The following CCDC85A variants were observed in gnomAD, a reference collection of about 807,000 sequenced individuals.
CCDC85A encodes coiled-coil domain containing 85A.
CCDC85A carries 38 observed loss-of-function variants against 50.2 expected under a neutral mutation model. That is an observed-to-expected ratio of 0.76 (90% CI 0.58 to 0.99). The LOEUF is 0.99. CCDC85A is among the 50% of genes least tolerant of loss of function. CCDC85A has a pLI of 0.00. For synonymous variants in CCDC85A, 366 were observed against 301.4 expected, an observed-to-expected ratio of 1.21 and a Z score of -2.22; for missense variants, 820 against 742.0, an observed-to-expected ratio of 1.11 and a Z score of -1.22.
At chr2:56,282,107 CAT>C (rs1010147387) in intron 2 of CCDC85A, among the ~76,000 whole-genome samples, 5 of 152,086 alleles carry the variant, frequency 3.3e-5, no homozygotes, top group South Asian at 4.2e-4. Flanking sequence ...TAGTTCCTAA[CAT>C]GTGAGGAAAA....
At chr2:56,245,092 T>TG (rs1229818058) in intron 2 of CCDC85A, among the ~76,000 whole-genome samples, 1 of 152,190 alleles carries the variant, frequency 6.6e-6, no homozygotes, top group Non-Finnish European at 1.5e-5. Flanking sequence ...CACTAGGTCA[T>TG]GTGCCCCACA....
In CCDC85A at chr2:56,249,074, G is replaced by A. The variant is rs192150084; in HGVS notation, c.1240+55634G>A. On this transcript the variant is annotated intron_variant, in intron 2 of 5. Coordinates refer to ENST00000407595, the MANE Select transcript of CCDC85A (RefSeq NM_001080433.2). ...GGAGGAAGTCCAGGAATAAATAGCA[G>A]GACCTTCTCTCTTCTTCTGTCTAAT... Among the ~76,000 whole-genome samples the A allele has an allele frequency of 6.6e-5, 10 of 152,344 alleles. No homozygotes were observed. In the East Asian group the frequency reaches 1.9e-3, roughly 29 times the overall value.
At chr2:56,247,174 G>A (rs1382266528) in intron 2 of CCDC85A, among the ~76,000 whole-genome samples, 1 of 152,190 alleles carries the variant, frequency 6.6e-6, no homozygotes, top group African/African-American at 2.4e-5. Context: ...CCCTACGTTA[G>A]TAGTGTAATT....
chr2:56,375,251 TTATATC>T (rs1348451014), intron 4 of CCDC85A, among the ~76,000 whole-genome samples: 1 of 152,246 alleles, frequency 6.6e-6, no homozygotes, highest in Non-Finnish European at 1.5e-5. Flanking sequence ...AATATGTAGT[TTATATC>T]TATTCTGTTT....
intron 3 of CCDC85A, among the ~76,000 whole-genome samples, chr2:56,360,792 C>G (rs1675484496): frequency 6.6e-6 from 1 of 152,176 alleles, no homozygotes; most frequent in African/African-American, 2.4e-5. Context: ...CCTCTGCTAT[C>G]TTTTATCCCC....
chr2:56,197,270 T>G (rs781143301), intron 2 of CCDC85A, among the ~76,000 whole-genome samples: 16 of 152,182 alleles, frequency 1.1e-4, no homozygotes, highest in Admixed American at 2.6e-4. Flanking sequence ...TGCTGCCTTA[T>G]GCATTTAAGG....
At chr2:56,308,334 G>A (rs922013712) in intron 2 of CCDC85A, among the ~76,000 whole-genome samples, 3 of 152,148 alleles carry the variant, frequency 2.0e-5, no homozygotes, top group Admixed American at 1.3e-4. Flanking sequence ...TTGGGGGAAC[G>A]TTCATCAACA....
At chr2:56,360,286 C>T (rs1055889954) in intron 3 of CCDC85A, among the ~76,000 whole-genome samples, 1 of 152,216 alleles carries the variant, frequency 6.6e-6, no homozygotes, top group Non-Finnish European at 1.5e-5. Context: ...TTATTAGTCT[C>T]TCTTCACAGC....
At chr2:56,213,466 G>T (rs557534777) in intron 2 of CCDC85A, among the ~76,000 whole-genome samples, 2 of 152,066 alleles carry the variant, frequency 1.3e-5, no homozygotes, top group South Asian at 4.2e-4. Flanking sequence ...GTTCAGATTT[G>T]TGTGTAACTT....
chr2:56,286,954 A>G (rs1201935349), intron 2 of CCDC85A, among the ~76,000 whole-genome samples: 1 of 152,132 alleles, frequency 6.6e-6, no homozygotes, highest in Non-Finnish European at 1.5e-5. Flanking sequence ...TTTTATCCTT[A>G]TACCTACAGA....
chr2:56,383,011 G>A (rs563471022), intron 5 of CCDC85A, among the ~76,000 whole-genome samples: 2 of 152,072 alleles, frequency 1.3e-5, no homozygotes, highest in South Asian at 4.1e-4. Context: ...TGTATAGCTT[G>A]AGCCATCCAT....
chr2:56,206,228 T>C (rs1208426921), intron 2 of CCDC85A, among the ~76,000 whole-genome samples: 3 of 152,182 alleles, frequency 2.0e-5, no homozygotes, highest in Admixed American at 6.5e-5. Flanking sequence ...GAATATAAAA[T>C]GTTCATCATT....
At chr2:56,295,796 C>T (rs1231479373) in intron 2 of CCDC85A, among the ~76,000 whole-genome samples, 2 of 152,150 alleles carry the variant, frequency 1.3e-5, no homozygotes, top group African/African-American at 4.8e-5. Context: ...GGAGGAATCT[C>T]CCTCCCTCCC....
chr2:56,378,027 A>G (rs1185745627), intron 5 of CCDC85A, among the ~76,000 whole-genome samples: 1 of 152,210 alleles, frequency 6.6e-6, no homozygotes, highest in Admixed American at 6.5e-5. Flanking sequence ...GGACCCTTGA[A>G]TATCAAATGT....
chr2:56,356,098 A>G (rs1446807654), intron 3 of CCDC85A, among the ~76,000 whole-genome samples: 5 of 152,218 alleles, frequency 3.3e-5, no homozygotes, highest in Non-Finnish European at 5.9e-5. Flanking sequence ...CAGAAATCTC[A>G]TAAGAGGAAA....
intron 2 of CCDC85A, among the ~76,000 whole-genome samples, chr2:56,326,831 G>C (rs1261324936): frequency 1.3e-5 from 2 of 149,002 alleles, no homozygotes; most frequent in Non-Finnish European, 3.0e-5. Flanking sequence ...TAGGATTAAG[G>C]TGAAGTATTT....
intron 2 of CCDC85A, among the ~76,000 whole-genome samples, chr2:56,327,282 C>G (rs926301391): frequency 6.6e-6 from 1 of 152,074 alleles, no homozygotes; most frequent in African/African-American, 2.4e-5. Flanking sequence ...GATCATCTAC[C>G]TCAGTATTCA....
Position 56,192,815 on chromosome 2 carries a change from G to A in CCDC85A, c.615G>A (p.Arg205=), listed in dbSNP as rs764548821. ...CAGCCTCCACCGCACCCTACGTGCG[G>A]GATGTGGGTGACGGCAGCAGCACCT... ...QLTASTAPYV[R]DVGDGSSTSS... The change falls in exon 2 of 6, where the codon CGG becomes CGA. Residue 205 remains arginine, a synonymous_variant. Coordinates refer to ENST00000407595, the MANE Select transcript of CCDC85A (RefSeq NM_001080433.2). This position sits in a 1 kb window ranked among gnomAD's most constrained non-coding sequence, Gnocchi z 4.7. 6.2e-7 allele frequency: 1 copy of A among 1,613,436 alleles called. No homozygotes were observed. The highest frequency in any genetic ancestry group is 1.7e-5 in the Admixed American group (1 of 59,998).
intron 1 of CCDC85A, among the ~76,000 whole-genome samples, chr2:56,188,152 A>G (rs904042606): frequency 6.6e-6 from 1 of 152,222 alleles, no homozygotes; most frequent in East Asian, 1.9e-4. Flanking sequence ...TGGCAATGTT[A>G]AAAGGACACC....
Sources: allele counts gnomAD v4.1 joint callset (sites outside exome capture counted in the v4.1 genomes callset), GRCh38; gene constraint gnomAD v4.1.1; non-coding constraint Gnocchi (gnomAD v3.1); transcripts MANE v1.5; gene names NCBI Gene and HGNC (gene_info 2026-07-23, HGNC 2026-07-21).